The following KCND2 variants were observed in gnomAD, a reference collection of about 807,000 sequenced individuals.
The protein encoded by KCND2 is potassium voltage-gated channel subfamily D member 2.
Under a neutral mutation model 54.4 loss-of-function variants are expected in KCND2, and 16 were observed. The ratio of observed to expected loss-of-function variants is 0.29; its 90% CI spans 0.20 to 0.45. The LOEUF (loss-of-function observed/expected upper bound fraction) is 0.45. Ranked by LOEUF, KCND2 falls within the 20% of genes least tolerant of loss-of-function variation. KCND2 has a pLI of 1.00. For synonymous variants in KCND2, 317 were observed against 310.7 expected (o/e 1.02, Z -0.21); for missense variants, 486 against 824.2 (o/e 0.59, Z 5.02).
chr7:120,413,337 A>T (rs925131889), intron 1 of KCND2, among the ~76,000 whole-genome samples: 1 of 151,990 alleles, frequency 6.6e-6, no homozygotes, highest in Non-Finnish European at 1.5e-5. Context: ...TTTTTTAACT[A>T]AAATTATTTT....
At chr7:120,394,834 A>AGTTCCTTTAAGTG (rs1430609622) in intron 1 of KCND2, among the ~76,000 whole-genome samples, 3 of 152,034 alleles carry the variant, frequency 2.0e-5, no homozygotes, top group African/African-American at 7.2e-5. Context: ...AACTTCCTGT[A>AGTTCCTTTAAGTG]GTCAAGTAAC....
intron 1 of KCND2, among the ~76,000 whole-genome samples, chr7:120,293,402 C>T (rs1047586988): frequency 1.3e-5 from 2 of 151,942 alleles, no homozygotes; most frequent in African/African-American, 4.8e-5. Flanking sequence ...GACTCTATAA[C>T]AAATTCTAAT....
intron 1 of KCND2, among the ~76,000 whole-genome samples, chr7:120,359,569 T>A (rs1800563123): frequency 6.6e-6 from 1 of 152,160 alleles, no homozygotes; most frequent in African/African-American, 2.4e-5. Flanking sequence ...TATTCCCTTA[T>A]CTTTTCCGAA....
chr7:120,679,120 T>C (rs1792108541), intron 1 of KCND2, among the ~76,000 whole-genome samples: 1 of 151,900 alleles, frequency 6.6e-6, no homozygotes, highest in Non-Finnish European at 1.5e-5. Context: ...ACCCTGAGGC[T>C]TTATTTTATC....
intron 1 of KCND2, among the ~76,000 whole-genome samples, chr7:120,481,996 C>A (rs1423793280): frequency 6.6e-6 from 1 of 152,154 alleles, no homozygotes; most frequent in Non-Finnish European, 1.5e-5. Context: ...GCTATGAGGT[C>A]ACCAACATGC....
rs116665298 is a variant in KCND2 at position 120,516,177 on chromosome 7, C to G, written c.1116-216726C>G. ...ATTAAAGACTTTTCCTTTTCAATTA[C>G]AAGTACTGAATGTTTTATTATAAAA... On this transcript the variant is annotated intron_variant, in intron 1 of 5. Coordinates refer to ENST00000331113, the MANE Select transcript of KCND2 (RefSeq NM_012281.3). 4.8e-3 allele frequency among the ~76,000 whole-genome samples: 726 copies of G among 152,176 alleles called. 4 individuals are homozygous for G. Among genetic ancestry groups the G allele is most frequent in the African/African-American group, 0.016 (672 of 41,540 alleles).
In KCND2 at chr7:120,315,456, C is replaced by G. The variant is rs1799798716; in HGVS notation, c.1115+39709C>G. Among the ~76,000 whole-genome samples the G allele has an allele frequency of 1.3e-5, 2 of 152,072 alleles. 1 individual carries two copies. The highest frequency in any genetic ancestry group is 4.2e-4 in the South Asian group (2 of 4,814). The stretch of plus-strand genomic sequence containing the variant: ...CAGTGGAACCGGAAACAATGTAAAC[C>G]TTGAATTTTCCACAGGAAAGCAAAG... On this transcript the variant is annotated intron_variant, in intron 1 of 5. Transcript: ENST00000331113.
intron 1 of KCND2, among the ~76,000 whole-genome samples, chr7:120,506,163 G>C (rs802357): frequency 0.12 from 17,519 of 151,574 alleles, 1,597 homozygotes; most frequent in East Asian, 0.49. Context: ...GAAATACATA[G>C]AGAGTAGGTA....
chr7:120,275,303 G>T lies in KCND2; in HGVS notation c.671G>T (p.Arg224Leu), dbSNP rs1410148488. 1 of 1,613,760 alleles carries T rather than the reference G, an allele frequency of 6.2e-7. No homozygotes were observed. The highest frequency in any genetic ancestry group is 2.2e-5 in the East Asian group (1 of 44,804). The change falls in exon 1 of 6, where the codon CGG becomes CTG. Residue 224 changes from arginine (R) to leucine (L), a missense_variant. This residue lies in a region of KCND2 where 231 missense variants were observed against 386.0 expected (regional missense o/e 0.60). Coordinates refer to ENST00000331113, the MANE Select transcript of KCND2 (RefSeq NM_012281.3). Reference sequence around the variant, plus strand: ...ATTAAAGAACTGCCCTGTGGAGAGCGGTATGCTGTGGCCTTCTTCTGCTTG... The same window carrying T: ...ATTAAAGAACTGCCCTGTGGAGAGCTGTATGCTGTGGCCTTCTTCTGCTTG... ...GHIKELPCGE[R>L]YAVAFFCLDT...
chr7:120,584,201 G>A (rs1033620286), intron 1 of KCND2, among the ~76,000 whole-genome samples: 1 of 152,158 alleles, frequency 6.6e-6, no homozygotes, highest in African/African-American at 2.4e-5. Context: ...GTTACATTTT[G>A]AATTATGTCA....
At chr7:120,540,792 T>G (rs1791969991) in intron 1 of KCND2, among the ~76,000 whole-genome samples, 1 of 152,088 alleles carries the variant, frequency 6.6e-6, no homozygotes, top group African/African-American at 2.4e-5. Flanking sequence ...GACTGGTTTC[T>G]TTGAATAGGA....
intron 1 of KCND2, among the ~76,000 whole-genome samples, chr7:120,313,036 T>A (rs1208622103): frequency 6.6e-6 from 1 of 152,208 alleles, no homozygotes; most frequent in Admixed American, 6.5e-5. Flanking sequence ...AGGAATCCGA[T>A]GATGTGGATT....
chr7:120,354,871 G>C (rs1800475745), intron 1 of KCND2, among the ~76,000 whole-genome samples: 1 of 152,188 alleles, frequency 6.6e-6, no homozygotes, highest in Admixed American at 6.5e-5. Flanking sequence ...TTGTATATAT[G>C]AGATACATTA....
chr7:120,728,614 A>G (rs1792766551), intron 1 of KCND2, among the ~76,000 whole-genome samples: 1 of 152,090 alleles, frequency 6.6e-6, no homozygotes, highest in African/African-American at 2.4e-5. Flanking sequence ...TTGCGAATTC[A>G]TTCTTTATTT....
intron 1 of KCND2, among the ~76,000 whole-genome samples, chr7:120,425,947 ATTT>A (rs5886985): frequency 6.9e-6 from 1 of 144,814 alleles, no homozygotes. Context: ...TCTTGACTCT[ATTT>A]TTTTTTTTTA....
chr7:120,288,113 T>C (rs990526807), intron 1 of KCND2, among the ~76,000 whole-genome samples: 2 of 152,124 alleles, frequency 1.3e-5, no homozygotes, highest in Non-Finnish European at 2.9e-5. Flanking sequence ...AAGCTACTGA[T>C]TTTCTAACAT....
At chr7:120,559,286 T>G (rs554965432) in intron 1 of KCND2, among the ~76,000 whole-genome samples, 1 of 152,192 alleles carries the variant, frequency 6.6e-6, no homozygotes, top group Admixed American at 6.5e-5. Flanking sequence ...CCATTGATAA[T>G]AGATAGAATT....
chr7:120,447,228 G>A (rs962995057), intron 1 of KCND2, among the ~76,000 whole-genome samples: 4 of 151,906 alleles, frequency 2.6e-5, no homozygotes, highest in African/African-American at 9.7e-5. Context: ...CACTTCCTTT[G>A]TGAGATCCCA....
At chr7:120,493,086 C>T (rs536424892) in intron 1 of KCND2, among the ~76,000 whole-genome samples, 1 of 151,802 alleles carries the variant, frequency 6.6e-6, no homozygotes, top group East Asian at 1.9e-4. Context: ...GACACTAATG[C>T]CTTGGGGGCT....
Sources: allele counts gnomAD v4.1 joint callset (sites outside exome capture counted in the v4.1 genomes callset), GRCh38; gene constraint gnomAD v4.1.1; regional missense constraint gnomAD v4.1.1; transcripts MANE v1.5; gene names NCBI Gene and HGNC (gene_info 2026-07-23, HGNC 2026-07-21).